The following RAP1A variants were observed in gnomAD, a reference collection of about 807,000 sequenced individuals.
RAP1A encodes the protein ras-related protein Rap-1A.
In RAP1A, 6 loss-of-function variants were observed where a neutral mutation model predicts 26.4. The ratio of observed to expected loss-of-function variants is 0.23; its 90% confidence interval spans 0.12 to 0.45. The LOEUF (loss-of-function observed/expected upper bound fraction) is 0.45. Ranked by LOEUF, RAP1A falls within the 20% of genes least tolerant of loss-of-function variation. The pLI is 0.99. For synonymous variants in RAP1A, 73 were observed against 79.4 expected, an observed-to-expected ratio of 0.92 and a Z score of 0.43; for missense variants, 121 against 217.2, an observed-to-expected ratio of 0.56 and a Z score of 2.78.
chr1:111,656,935 A>G (rs1660479889), intron 1 of RAP1A, among the ~76,000 whole-genome samples: 1 of 152,178 alleles, frequency 6.6e-6, no homozygotes, highest in Admixed American at 6.5e-5. Context: ...CTTCACCACC[A>G]TCTGTTTACA....
At chr1:111,659,843 A>G (rs1260145002) in intron 1 of RAP1A, among the ~76,000 whole-genome samples, 2 of 152,160 alleles carry the variant, frequency 1.3e-5, no homozygotes. Flanking sequence ...CTTTCATATA[A>G]CATAGCACTT....
intron 1 of RAP1A, among the ~76,000 whole-genome samples, chr1:111,651,728 C>T (rs930158492): frequency 6.6e-6 from 1 of 151,928 alleles, no homozygotes; most frequent in South Asian, 2.1e-4. Context: ...CTGCCTGCCT[C>T]GGCCTCCCAA....
At chr1:111,710,922 C>T (rs994498435) in intron 7 of RAP1A, among the ~76,000 whole-genome samples, 4 of 152,180 alleles carry the variant, frequency 2.6e-5, no homozygotes, top group Non-Finnish European at 5.9e-5. Flanking sequence ...CCTCTGCCTC[C>T]CTGGGTTCAA....
chr1:111,588,247 T>C (rs1185195319), intron 1 of RAP1A, among the ~76,000 whole-genome samples: 2 of 152,182 alleles, frequency 1.3e-5, no homozygotes, highest in African/African-American at 4.8e-5. Context: ...AGCCACCCTC[T>C]CTGTAATCCA....
rs988448936 is a variant in RAP1A at position 111,645,532 on chromosome 1, G to T, written c.-28+25598G>T. On this transcript the variant is annotated intron_variant, in intron 1 of 7. Transcript: ENST00000369709. Reference sequence around the variant, plus strand: ...TTTAAGATTCACTAACAGTTGATGTGTACTGGCTGATTTGCGGGTGAAACA... The same window carrying T: ...TTTAAGATTCACTAACAGTTGATGTTTACTGGCTGATTTGCGGGTGAAACA... 2.0e-5 allele frequency among the ~76,000 whole-genome samples: 3 copies of T among 152,206 alleles called. No individual in the cohort carries two copies. The South Asian group carries it at 6.2e-4, about 31-fold the overall frequency.
intron 7 of RAP1A, 30 bp from the exon 8 acceptor site, chr1:111,712,401 A>G (rs1662411445): frequency 6.6e-6 from 1 of 152,522 alleles, no homozygotes; most frequent in South Asian, 2.1e-4. Flanking sequence ...TTAACCATAC[A>G]TATATGTATA....
At chr1:111,664,370 T>C (rs1165996621) in intron 1 of RAP1A, among the ~76,000 whole-genome samples, 1 of 72,690 alleles carries the variant, frequency 1.4e-5, no homozygotes, top group Non-Finnish European at 2.5e-5. Context: ...TGAGACTCCG[T>C]CTCAAAAAAA....
chr1:111,689,531 T>C (rs1384946335), intron 1 of RAP1A, among the ~76,000 whole-genome samples: 1 of 320 alleles, frequency 3.1e-3, no homozygotes, highest in Non-Finnish European at 6.1e-3. Flanking sequence ...TTGGTTCTTA[T>C]TATATGTGTG....
chr1:111,609,967 T>A (rs1194041244), intron 1 of RAP1A, among the ~76,000 whole-genome samples: 1 of 152,146 alleles, frequency 6.6e-6, no homozygotes, highest in Non-Finnish European at 1.5e-5. Flanking sequence ...CAAAATTGCC[T>A]TCTAGTTTAT....
chr1:111,573,805 GT>G (rs925825351), intron 1 of RAP1A, among the ~76,000 whole-genome samples: 119 of 150,804 alleles, frequency 7.9e-4, no homozygotes, highest in African/African-American at 2.4e-3. Context: ...TTTTTTAATG[GT>G]TTTTTTTTCT....
At chr1:111,607,463 TC>T (rs559023139) in intron 1 of RAP1A, among the ~76,000 whole-genome samples, 1,774 of 152,328 alleles carry the variant, frequency 0.012, 31 homozygotes, top group African/African-American at 0.041. Context: ...CCCCCACCTT[TC>T]CCCACTTTCT....
chr1:111,567,459 C>T (rs1218552008), intron 1 of RAP1A, among the ~76,000 whole-genome samples: 1 of 152,196 alleles, frequency 6.6e-6, no homozygotes, highest in African/African-American at 2.4e-5. Flanking sequence ...TAACTCTGTA[C>T]TACTAGCTGG....
At chr1:111,576,774 C>T (rs1658153982) in intron 1 of RAP1A, among the ~76,000 whole-genome samples, 1 of 152,168 alleles carries the variant, frequency 6.6e-6, no homozygotes, top group African/African-American at 2.4e-5. Flanking sequence ...CAATCAGACT[C>T]TAAAGTCATT....
chr1:111,704,521 C>T (rs1360102010), intron 6 of RAP1A, 35 bp downstream of exon 6: 1 of 1,530,502 alleles, frequency 6.5e-7, no homozygotes, highest in Non-Finnish European at 8.8e-7. Flanking sequence ...CAAACAAGTG[C>T]CTTTTTAGTT....
chr1:111,561,763 C>T (rs146901097), intron 1 of RAP1A, among the ~76,000 whole-genome samples: 3 of 151,974 alleles, frequency 2.0e-5, no homozygotes, highest in African/African-American at 4.8e-5. Context: ...TGTGTGTGTA[C>T]GTATAATTGG....
chr1:111,681,872 G>A (rs1258508917), intron 1 of RAP1A, among the ~76,000 whole-genome samples: 1 of 152,112 alleles, frequency 6.6e-6, no homozygotes, highest in Non-Finnish European at 1.5e-5. Flanking sequence ...CTCAAGAAGA[G>A]CAACCCTAAA....
intron 1 of RAP1A, among the ~76,000 whole-genome samples, chr1:111,545,535 A>G (rs779285414): frequency 1.3e-5 from 2 of 152,110 alleles, no homozygotes; most frequent in Non-Finnish European, 2.9e-5. Flanking sequence ...CTATTATCAG[A>G]TATATGATTT....
At chr1:111,554,417 A>G (rs1355585735) in intron 1 of RAP1A, among the ~76,000 whole-genome samples, 4 of 152,214 alleles carry the variant, frequency 2.6e-5, no homozygotes, top group Non-Finnish European at 4.4e-5. Context: ...GCACAAATCT[A>G]AAGAGGAGGG....
chr1:111,708,361 G>A (rs1412471719), intron 6 of RAP1A, among the ~76,000 whole-genome samples: 1 of 152,212 alleles, frequency 6.6e-6, no homozygotes, highest in Non-Finnish European at 1.5e-5. Context: ...AGACAAAAAT[G>A]TATATAACCT....
Sources: gnomAD v4.1 joint callset for allele counts (sites outside exome capture counted in the v4.1 genomes callset) on GRCh38, gnomAD v4.1.1 for gene constraint, MANE v1.5 for transcripts, NCBI Gene and HGNC (gene_info 2026-07-23, HGNC 2026-07-21) for gene names.